Variants in CFTR observed in about 807,000 individuals in gnomAD.
The protein encoded by CFTR is cystic fibrosis transmembrane conductance regulator.
CFTR carries 181 observed loss-of-function variants against 171.6 expected under a neutral mutation model. That is an observed-to-expected ratio of 1.05 (90% CI 0.93 to 1.19). The LOEUF (loss-of-function observed/expected upper bound fraction) is 1.19. Ranked by LOEUF, CFTR falls within the 50% of genes most tolerant of loss-of-function variation. CFTR has a pLI of 0.00. For synonymous variants in CFTR, 583 were observed against 608.0 expected, an observed-to-expected ratio of 0.96 and a Z score of 0.60; for missense variants, 1,968 against 1,734.7, an observed-to-expected ratio of 1.13 and a Z score of -2.39.
chr7:117,533,794 G>T (rs144789019), intron 4 of CFTR, among the ~76,000 whole-genome samples: 1 of 151,892 alleles, frequency 6.6e-6, no homozygotes, highest in African/African-American at 2.4e-5. Context: ...TAAGAATTTT[G>T]TATTAATAAA....
At chr7:117,557,959 T>C (rs529491384) in intron 10 of CFTR, among the ~76,000 whole-genome samples, 7 of 152,292 alleles carry the variant, frequency 4.6e-5, no homozygotes, top group African/African-American at 1.2e-4. Context: ...ATAATTGTGG[T>C]GAAATGTACA....
rs150177304 is a variant in CFTR, at chr7:117,665,554, A to C, written c.4232A>C (p.Gln1411Pro). 9.9e-6 allele frequency: 16 copies of C among 1,608,898 alleles called. No individual in the cohort carries two copies. The African/African-American group carries it at 1.5e-4, about 15-fold the overall frequency. ...AGGATAGAAGCAATGCTGGAATGCC[A>C]ACAATTTTTGGTGAGTCTTTATAAC... is the stretch of plus-strand genomic sequence containing the variant. Reference protein sequence around the residue: ...EHRIEAMLECQQFLVIEENKV... With the variant: ...EHRIEAMLECPQFLVIEENKV... Residue 1411 changes from glutamine (Q) to proline (P), a missense_variant, in exon 26 of 27, where the codon CAA (glutamine) becomes CCA (proline). Transcript: ENST00000003084.
chr7:117,569,410 A>C (rs1449567464), intron 11 of CFTR, among the ~76,000 whole-genome samples: 1 of 152,230 alleles, frequency 6.6e-6, no homozygotes, highest in Non-Finnish European at 1.5e-5. Context: ...CAAGGTCCTT[A>C]ATCTTACAAA....
At chr7:117,602,723 T>TCA in intron 15 of CFTR, 103 bp from the exon 16 acceptor site, 10 of 933,340 alleles carry the variant, frequency 1.1e-5, no homozygotes, top group Non-Finnish European at 1.8e-5. Flanking sequence ...TACCTTGATA[T>TCA]TGGTACACAC....
At chr7:117,568,276 G>T (rs188018283) in intron 11 of CFTR, among the ~76,000 whole-genome samples, 2 of 152,122 alleles carry the variant, frequency 1.3e-5, no homozygotes, top group African/African-American at 4.8e-5. Context: ...TTACACTGGG[G>T]GCCATGGGAC....
At chr7:117,552,034 T>G (rs1052200290) in intron 10 of CFTR, among the ~76,000 whole-genome samples, 4 of 152,178 alleles carry the variant, frequency 2.6e-5, no homozygotes, top group Non-Finnish European at 4.4e-5. Flanking sequence ...TTTGGAATTT[T>G]GGGAGATATG....
intron 26 of CFTR, among the ~76,000 whole-genome samples, chr7:117,666,551 C>T (rs1416254364): frequency 6.6e-6 from 1 of 152,166 alleles, no homozygotes; most frequent in African/African-American, 2.4e-5. Context: ...TCTTAAGCTT[C>T]AGATCACTGT....
chr7:117,626,869 T>A (rs959217104), intron 21 of CFTR, among the ~76,000 whole-genome samples: 4 of 152,054 alleles, frequency 2.6e-5, no homozygotes, highest in Admixed American at 1.3e-4. Flanking sequence ...AAATGTTACA[T>A]GAATAGATTT....
At chr7:117,618,067 A>G (rs1267725701) in intron 21 of CFTR, among the ~76,000 whole-genome samples, 1 of 152,052 alleles carries the variant, frequency 6.6e-6, no homozygotes, top group Admixed American at 6.6e-5. Flanking sequence ...TCTTGCTTCC[A>G]TGACACTACT....
intron 1 of CFTR, among the ~76,000 whole-genome samples, chr7:117,485,139 T>C (rs755820084): frequency 6.6e-6 from 1 of 152,232 alleles, no homozygotes; most frequent in Non-Finnish European, 1.5e-5. Flanking sequence ...ATAAAATGCA[T>C]TATTATTGCT....
chr7:117,596,473 C>T (rs923753180), intron 15 of CFTR, among the ~76,000 whole-genome samples: 6 of 152,238 alleles, frequency 3.9e-5, no homozygotes, highest in African/African-American at 7.2e-5. Context: ...TCCCATAGAC[C>T]GCCCAAGGGC....
chr7:117,524,768 G>A (rs753766969), intron 3 of CFTR, among the ~76,000 whole-genome samples: 2 of 152,178 alleles, frequency 1.3e-5, no homozygotes, highest in Non-Finnish European at 2.9e-5. Flanking sequence ...ATGGCAATGG[G>A]CAAATATCCC....
Position 117,642,473 on chromosome 7 carries a change from T to G in CFTR, c.3753T>G (p.Ser1251Arg), listed in dbSNP as rs200837037. The G allele has an allele frequency of 6.2e-7, 1 of 1,613,624 alleles. No homozygotes were observed. Among genetic ancestry groups the G allele is most frequent in the Non-Finnish European group, 8.5e-7 (1 of 1,179,690 alleles). The stretch of plus-strand genomic sequence containing the variant: ...TGGGAAGAACTGGATCAGGGAAGAG[T>G]ACTTTGTTATCAGCTTTTTTGAGAC... ...GLLGRTGSGK[S>R]TLLSAFLRLL... Residue 1251 changes from serine (S) to arginine (R), a missense_variant, in exon 23 of 27, where the codon AGT (serine) becomes AGG (arginine). Ser to Arg is a moderately radical substitution (Grantham distance 110, BLOSUM62 -1). Transcript: ENST00000003084.
chr7:117,543,447 C>T (rs956904401), intron 9 of CFTR, among the ~76,000 whole-genome samples: 18 of 152,202 alleles, frequency 1.2e-4, no homozygotes, highest in African/African-American at 4.1e-4. Context: ...ACCCTCAATT[C>T]CTGTCTCACT....
At chr7:117,546,702 A>C (rs2115896152) in intron 9 of CFTR, among the ~76,000 whole-genome samples, 1 of 152,330 alleles carries the variant, frequency 6.6e-6, no homozygotes, top group African/African-American at 2.4e-5. Context: ...TCTAAGCATG[A>C]TACTCACAAC....
chr7:117,609,382 T>C (rs977108032), intron 18 of CFTR, among the ~76,000 whole-genome samples: 8 of 152,174 alleles, frequency 5.3e-5, no homozygotes, highest in Non-Finnish European at 1.0e-4. Flanking sequence ...AATACATGTG[T>C]CACTTATGGT....
chr7:117,522,755 CAG>C (rs1798703343), intron 3 of CFTR, among the ~76,000 whole-genome samples: 2 of 152,110 alleles, frequency 1.3e-5, no homozygotes, highest in Admixed American at 6.5e-5. Context: ...ATGTTTCTCC[CAG>C]TCATTCTGGG....
intron 14 of CFTR, among the ~76,000 whole-genome samples, chr7:117,594,421 T>C (rs1296607802): frequency 6.6e-6 from 1 of 152,210 alleles, no homozygotes. Context: ...AATTATGTAA[T>C]TTAAATCACA....
At chr7:117,658,573 C>T (rs572880299) in intron 24 of CFTR, among the ~76,000 whole-genome samples, 1 of 152,102 alleles carries the variant, frequency 6.6e-6, no homozygotes, top group Non-Finnish European at 1.5e-5. Flanking sequence ...ATGAAAAGCA[C>T]CTTATGTCAA....
Sources: allele counts gnomAD v4.1 joint callset (sites outside exome capture counted in the v4.1 genomes callset), GRCh38; gene constraint gnomAD v4.1.1; transcripts MANE v1.5; gene names NCBI Gene and HGNC (gene_info 2026-07-23, HGNC 2026-07-21).